CPNE4: variants seen among roughly 807,000 people sequenced by gnomAD.
CPNE4 encodes the protein copine 4.
A neutral mutation model predicts 67.9 loss-of-function variants in CPNE4; 25 were observed. The observed-to-expected ratio is 0.37, with a 90% confidence interval of 0.27 to 0.51. CPNE4 has a LOEUF of 0.51. Among genes scored for constraint, CPNE4 ranks in the 20% least tolerant of loss-of-function variants. The pLI, the probability that CPNE4 is intolerant of heterozygous loss-of-function variation, is 0.93. For synonymous variants in CPNE4, 242 were observed against 244.9 expected (o/e 0.99, Z 0.11); for missense variants, 464 against 690.8 (o/e 0.67, Z 3.68).
At chr3:131,715,388 T>C (rs1296503271) in intron 3 of CPNE4, among the ~76,000 whole-genome samples, 4 of 152,216 alleles carry the variant, frequency 2.6e-5, no homozygotes, top group Non-Finnish European at 4.4e-5. Flanking sequence ...TCAACTCCAA[T>C]TTGACTTTGC....
chr3:131,814,312 C>G (rs1490768297), intron 2 of CPNE4, among the ~76,000 whole-genome samples: 1 of 152,108 alleles, frequency 6.6e-6, no homozygotes, highest in Non-Finnish European at 1.5e-5. Flanking sequence ...AGAGCAGCCA[C>G]TATCTCGAAC....
intron 1 of CPNE4, among the ~76,000 whole-genome samples, chr3:132,008,983 G>A (rs1489546241): frequency 6.6e-6 from 1 of 152,176 alleles, no homozygotes. Context: ...GCTCCGGGCT[G>A]TTTATTTTGG....
intron 2 of CPNE4, among the ~76,000 whole-genome samples, chr3:131,762,150 G>A (rs1012815063): frequency 6.6e-6 from 1 of 151,954 alleles, no homozygotes; most frequent in African/African-American, 2.4e-5. Context: ...CATTCTCTCT[G>A]TGGTTAAGTT....
chr3:131,912,644 A>G (rs753417008), intron 1 of CPNE4, among the ~76,000 whole-genome samples: 4 of 152,112 alleles, frequency 2.6e-5, no homozygotes, highest in Non-Finnish European at 5.9e-5. Flanking sequence ...CCTAGGCAAC[A>G]TTCCTTAGAT....
chr3:131,871,649 A>G (rs375182815), intron 2 of CPNE4, among the ~76,000 whole-genome samples: 2 of 152,154 alleles, frequency 1.3e-5, no homozygotes, highest in African/African-American at 2.4e-5. Context: ...CTCAACAGTA[A>G]TATCTTCAGT....
intron 8 of CPNE4, among the ~76,000 whole-genome samples, chr3:131,586,738 G>T (rs868327499): frequency 3.5e-5 from 5 of 142,702 alleles, no homozygotes; most frequent in Admixed American, 2.7e-4. Context: ...CTGTCTGTCT[G>T]TCTGTCTGTC....
At chr3:131,699,809 C>T (rs2081247896) in intron 4 of CPNE4, 100 bp downstream of exon 4, 1 of 775,530 alleles carries the variant, frequency 1.3e-6, no homozygotes, top group Non-Finnish European at 2.1e-6. Context: ...CACCAACTCC[C>T]AATATCAGAA....
At chr3:131,911,264 C>A (rs959736178) in intron 1 of CPNE4, among the ~76,000 whole-genome samples, 2 of 75,202 alleles carry the variant, frequency 2.7e-5, no homozygotes, top group African/African-American at 1.1e-4. Context: ...CTCAGTCCAA[C>A]ACGCTGAAAG....
chr3:131,831,479 T>C (rs2107995439), intron 2 of CPNE4, among the ~76,000 whole-genome samples: 1 of 152,210 alleles, frequency 6.6e-6, no homozygotes, highest in South Asian at 2.1e-4. Context: ...CACAAATAGA[T>C]GAGAAAAATC....
At chr3:131,936,777 A>G (rs922854434) in intron 1 of CPNE4, among the ~76,000 whole-genome samples, 2 of 152,092 alleles carry the variant, frequency 1.3e-5, no homozygotes, top group Non-Finnish European at 2.9e-5. Flanking sequence ...TCTTCTAAGG[A>G]AGACAATGAG....
chr3:131,712,439 G>C (rs1380361348), intron 3 of CPNE4, among the ~76,000 whole-genome samples: 2 of 152,142 alleles, frequency 1.3e-5, no homozygotes, highest in Non-Finnish European at 2.9e-5. Flanking sequence ...GCTTTTTAAT[G>C]GCTACATTTG....
intron 2 of CPNE4, among the ~76,000 whole-genome samples, chr3:131,745,251 A>G (rs1435608776): frequency 6.6e-6 from 1 of 151,930 alleles, no homozygotes; most frequent in Non-Finnish European, 1.5e-5. Flanking sequence ...ACGTCTCTTC[A>G]TGTCTTTTGC....
chr3:131,851,143 G>A (rs1239186746), intron 2 of CPNE4, among the ~76,000 whole-genome samples: 1 of 152,008 alleles, frequency 6.6e-6, no homozygotes, highest in African/African-American at 2.4e-5. Context: ...ATGTATGTAT[G>A]TAAATACATA....
In CPNE4 at chr3:131,838,014, C is replaced by T. The variant is rs566022019; in HGVS notation, c.180+67250G>A. ...ATTTTTAGAGTATTTTCATCACCCT[C>T]AGAAGAAACCTTAGAATCATTTGCA... On this transcript the variant is annotated intron_variant, in intron 2 of 15. Transcript: ENST00000429747. Among the ~76,000 whole-genome samples, 23 of 151,966 alleles carry T rather than the reference C, an allele frequency of 1.5e-4. 1 individual carries two copies. The South Asian group carries it at 4.8e-3, about 32-fold the overall frequency.
In CPNE4 at chr3:131,862,939, A is replaced by G. The variant is rs1305660223; in HGVS notation, c.180+42325T>C. 2.7e-5 allele frequency among the ~76,000 whole-genome samples: 4 copies of G among 146,972 alleles called. No individual in the cohort carries two copies. The South Asian group carries it at 6.4e-4, about 23-fold the overall frequency. On this transcript the variant is annotated intron_variant, in intron 2 of 15. Transcript: ENST00000429747. ...TGTTCTCATTGTTCAATTCCCACCT[A>G]TGAGTGAGAACATGCGGTGTTTGGT...
intron 1 of CPNE4, among the ~76,000 whole-genome samples, chr3:131,983,756 A>G (rs1315431013): frequency 6.6e-6 from 1 of 152,204 alleles, no homozygotes; most frequent in Non-Finnish European, 1.5e-5. Context: ...CCAAGATGTC[A>G]GAGACTGATA....
At chr3:131,550,407 G>A (rs1936107788) in intron 13 of CPNE4, among the ~76,000 whole-genome samples, 1 of 152,044 alleles carries the variant, frequency 6.6e-6, no homozygotes, top group Admixed American at 6.6e-5. Context: ...AGAAACAGAG[G>A]CTTAGAGATG....
At chr3:131,765,388 A>C (rs572854334) in intron 2 of CPNE4, among the ~76,000 whole-genome samples, 3 of 152,258 alleles carry the variant, frequency 2.0e-5, no homozygotes, top group Admixed American at 2.0e-4. Context: ...CTAACAGCTT[A>C]TTTATGAAGA....
At chr3:131,552,780 A>C (rs3817075) in intron 12 of CPNE4, among the ~76,000 whole-genome samples, 25,967 of 152,050 alleles carry the variant, frequency 0.17, 2,484 homozygotes, top group African/African-American at 0.26. Flanking sequence ...TCAGAAAGAT[A>C]ACTTTGAATA....
Sources: gnomAD v4.1 joint callset for allele counts (sites outside exome capture counted in the v4.1 genomes callset) on GRCh38, gnomAD v4.1.1 for gene constraint, MANE v1.5 for transcripts, NCBI Gene and HGNC (gene_info 2026-07-23, HGNC 2026-07-21) for gene names.